Variants in STK10 observed in about 807,000 individuals in gnomAD.
The protein encoded by STK10 is serine/threonine kinase 10, also known as serine/threonine-protein kinase 10.
STK10 carries 78 observed loss-of-function variants against 113.8 expected under a neutral mutation model. That is an observed-to-expected ratio of 0.69 (90% CI 0.57 to 0.83). The LOEUF (loss-of-function observed/expected upper bound fraction) is 0.83, where lower values mean the gene tolerates loss of function less well. Among genes scored for constraint, STK10 ranks in the 40% least tolerant of loss-of-function variants. The probability of loss-of-function intolerance (pLI) is 0.00; values close to 1 mark genes in which losing one functional copy is unlikely to be tolerated. For missense variants in STK10, 1,109 were observed against 1,280.1 expected (o/e 0.87, Z 2.04); for synonymous variants, 465 against 494.7 (o/e 0.94, Z 0.80).
At chr5:172,078,420 G>A (rs994394238) in intron 12 of STK10, among the ~76,000 whole-genome samples, 5 of 152,160 alleles carry the variant, frequency 3.3e-5, no homozygotes, top group Middle Eastern at 3.4e-3. Flanking sequence ...TTGGGAGGCC[G>A]AGGCAGGAGG....
At position 172,064,485 on chromosome 5, in the gene STK10, G is replaced by A. The variant is rs954107036; in HGVS notation, c.2082+235C>T. The A allele has an allele frequency of 4.6e-5, 27 of 583,786 alleles. No individual in the cohort carries two copies. In the East Asian group the frequency reaches 6.5e-4, roughly 14 times the overall value. 36.2% of individuals were successfully genotyped at this position (583,786 alleles called of 1,614,324 possible). On this transcript the variant is annotated intron_variant, in intron 13 of 18. Coordinates refer to ENST00000176763, the MANE Select transcript of STK10 (RefSeq NM_005990.4). The stretch of plus-strand genomic sequence containing the variant: ...GCTAAGGGTTTGGGAGGTGGTCAAT[G>A]TAAAGTGTTGGGGTATCCAGAGATG...
At chr5:172,151,504 GC>G (rs1484232814) in intron 2 of STK10, among the ~76,000 whole-genome samples, 1 of 151,950 alleles carries the variant, frequency 6.6e-6, no homozygotes, top group South Asian at 2.1e-4. Context: ...ACGCCACCAC[GC>G]CCGGCTAACT....
chr5:172,074,329 T>C lies in STK10; in HGVS notation c.1989+7997A>G, dbSNP rs144895638. ...TACAATCGTCAAGACACTGTAGTATTGGTGAAGGACAGACAAATAGATCGG... is the reference window on the plus strand; with the variant it reads ...TACAATCGTCAAGACACTGTAGTATCGGTGAAGGACAGACAAATAGATCGG... On this transcript the variant is annotated intron_variant, in intron 12 of 18. Transcript: ENST00000176763. Among the ~76,000 whole-genome samples the C allele has an allele frequency of 2.7e-3, 412 of 152,314 alleles. 1 individual carries two copies. The highest frequency in any genetic ancestry group is 9.5e-3 in the African/African-American group (395 of 41,568).
Position 172,187,179 on chromosome 5 carries a change from A to T in STK10, c.156+708T>A, listed in dbSNP as rs1057397672. On this transcript the variant is annotated intron_variant, in intron 1 of 18. Transcript: ENST00000176763. The surrounding 1 kb of genome is among the most constrained non-coding windows in gnomAD (Gnocchi z 4.6). Reference sequence around the variant, plus strand: ...ATCAGCTCTGCCCCACCCACTCCACAAAAGCTCTCTGCCGCGTCTTCCTCT... The same window carrying T: ...ATCAGCTCTGCCCCACCCACTCCACTAAAGCTCTCTGCCGCGTCTTCCTCT... Among the ~76,000 whole-genome samples, 15 of 152,046 alleles carry T rather than the reference A, an allele frequency of 9.9e-5. No individual in the cohort carries two copies. Among genetic ancestry groups the T allele is most frequent in the African/African-American group, 3.6e-4 (15 of 41,398 alleles).
intron 10 of STK10, among the ~76,000 whole-genome samples, chr5:172,089,725 G>A (rs1768653656): frequency 6.6e-6 from 1 of 152,046 alleles, no homozygotes; most frequent in African/African-American, 2.4e-5. Context: ...AGGTGAGTGA[G>A]TGGGTAGATG....
At chr5:172,089,974 TG>T (rs1438009656) in intron 10 of STK10, among the ~76,000 whole-genome samples, 1 of 151,836 alleles carries the variant, frequency 6.6e-6, no homozygotes, top group East Asian at 1.9e-4. Flanking sequence ...GGTAGACGGA[TG>T]GGTGGATAGA....
chr5:172,130,487 C>T (rs1371031943), intron 2 of STK10, among the ~76,000 whole-genome samples: 1 of 151,070 alleles, frequency 6.6e-6, no homozygotes, highest in East Asian at 1.9e-4. Flanking sequence ...GCGGAGATCA[C>T]ACCACAGCAT....
intron 2 of STK10, among the ~76,000 whole-genome samples, chr5:172,154,002 A>C (rs1284124050): frequency 6.6e-6 from 1 of 152,120 alleles, no homozygotes; most frequent in African/African-American, 2.4e-5. Context: ...AACTGCCTCC[A>C]CGTTTTTCTC....
intron 12 of STK10, among the ~76,000 whole-genome samples, chr5:172,081,507 G>A (rs1318420921): frequency 2.6e-5 from 4 of 152,106 alleles, no homozygotes; most frequent in African/African-American, 9.7e-5. Context: ...CGGTGGTATG[G>A]AACCAAACCC....
chr5:172,075,341 T>C (rs779346755), intron 12 of STK10, among the ~76,000 whole-genome samples: 1 of 152,030 alleles, frequency 6.6e-6, no homozygotes, highest in Non-Finnish European at 1.5e-5. Flanking sequence ...AATCACCCAG[T>C]TAAATAAACG....
At chr5:172,117,415 G>T in intron 4 of STK10, 66 bp downstream of exon 4, 3 of 1,581,524 alleles carry the variant, frequency 1.9e-6, no homozygotes, top group South Asian at 2.2e-5. Flanking sequence ...CTGGCCTGCA[G>T]AGGCCAGGCC....
chr5:172,097,284 C>T (rs1253225085), intron 7 of STK10, among the ~76,000 whole-genome samples: 1 of 152,244 alleles, frequency 6.6e-6, no homozygotes, highest in Admixed American at 6.5e-5. Context: ...AAGTGATCCA[C>T]CCGCCTCAGC....
intron 1 of STK10, among the ~76,000 whole-genome samples, chr5:172,166,939 A>C (rs549936526): frequency 6.6e-6 from 1 of 150,596 alleles, no homozygotes; most frequent in African/African-American, 2.5e-5. Flanking sequence ...AGGCGGGCGG[A>C]TCAGAAAGTC....
intron 1 of STK10, among the ~76,000 whole-genome samples, chr5:172,181,260 A>G (rs976735870): frequency 6.6e-6 from 1 of 152,198 alleles, no homozygotes; most frequent in Non-Finnish European, 1.5e-5. Context: ...TAACTTGCGT[A>G]AAACTGTACT....
intron 12 of STK10, among the ~76,000 whole-genome samples, chr5:172,078,238 T>C (rs1424676356): frequency 3.3e-5 from 5 of 152,218 alleles, no homozygotes; most frequent in Admixed American, 3.3e-4. Flanking sequence ...AGCCTCTCAC[T>C]GGCCTCCTGC....
chr5:172,047,063 G>T (rs1475241548), intron 18 of STK10, among the ~76,000 whole-genome samples: 3 of 152,176 alleles, frequency 2.0e-5, no homozygotes, highest in African/African-American at 7.2e-5. Flanking sequence ...ACTCCACAAT[G>T]TACAATCATC....
chr5:172,055,598 T>G lies in STK10; in HGVS notation c.2516A>C (p.Lys839Thr). The G allele has an allele frequency of 2.0e-6, 3 of 1,506,020 alleles. No homozygotes were observed. Among genetic ancestry groups the G allele is most frequent in the Non-Finnish European group, 2.7e-6 (3 of 1,120,592 alleles). The allele number at this position is 1,506,020 out of a possible 1,614,324, so 93.3% of individuals were successfully genotyped here. Residue 839 changes from lysine (K) to threonine (T), a missense_variant, in exon 16 of 19, where the codon AAG (lysine) becomes ACG (threonine). Physicochemically the swap from Lys to Thr is moderately conservative, Grantham distance 78. Transcript: ENST00000176763. The stretch of plus-strand genomic sequence containing the variant: ...AGGCCCGGCCCCCACCTGCTTGATC[T>G]TCTCACGCTGCTCAGCTGCGCTGCC... ...GGGSAAEQREKIKQFSQQEEK... is the reference protein window; with the variant it reads ...GGGSAAEQRETIKQFSQQEEK...
intron 13 of STK10, 106 bp downstream of exon 13, chr5:172,064,614 G>T: frequency 1.7e-6 from 2 of 1,150,674 alleles, no homozygotes; most frequent in Non-Finnish European, 2.6e-6. Context: ...TATTCAGAAC[G>T]GGGTATTTGA....
At chr5:172,186,952 G>A (rs1161179544) in intron 1 of STK10, among the ~76,000 whole-genome samples, 4 of 152,066 alleles carry the variant, frequency 2.6e-5, no homozygotes, top group African/African-American at 9.7e-5. Flanking sequence ...GAGCCCCAAG[G>A]AGGAGGATAG....
Sources: gnomAD v4.1 joint callset for allele counts (sites outside exome capture counted in the v4.1 genomes callset) on GRCh38, gnomAD v4.1.1 for gene constraint, Gnocchi (gnomAD v3.1) non-coding constraint, MANE v1.5 for transcripts, NCBI Gene and HGNC (gene_info 2026-07-23, HGNC 2026-07-21) for gene names.